The following ADAMTS1 variants were observed in gnomAD, a reference collection of about 807,000 sequenced individuals.
ADAMTS1 encodes the protein ADAM metallopeptidase with thrombospondin type 1 motif 1.
ADAMTS1 carries 19 observed loss-of-function variants against 87.9 expected under a neutral mutation model. The ratio of observed to expected loss-of-function variants is 0.22; its 90% CI spans 0.15 to 0.32. ADAMTS1 has a LOEUF of 0.32. Among genes scored for constraint, ADAMTS1 ranks in the 10% least tolerant of loss-of-function variants. The pLI is 1.00. For synonymous variants in ADAMTS1, 542 were observed against 501.8 expected, an observed-to-expected ratio of 1.08 and a Z score of -1.07; for missense variants, 1,240 against 1,259.1, an observed-to-expected ratio of 0.98 and a Z score of 0.23.
chr21:26,841,312 C>G lies in ADAMTS1; in HGVS notation c.1211-147G>C. 5.2e-6 allele frequency: 4 copies of G among 762,574 alleles called. No individual in the cohort carries two copies. The South Asian group carries it at 8.0e-5, about 15-fold the overall frequency. 47.2% of individuals were successfully genotyped at this position (762,574 alleles called of 1,614,324 possible). On this transcript the variant is annotated intron_variant, in intron 3 of 8. Coordinates refer to ENST00000284984, the MANE Select transcript of ADAMTS1 (RefSeq NM_006988.5). ...TGGCCAACATAGTGAAACCCCGTCT[C>G]TACTAAAAATACAAAAATTAGCCGG... is the stretch of plus-strand genomic sequence containing the variant.
Position 26,840,080 on chromosome 21 carries a change from C to G in ADAMTS1, c.1666-19G>C. The G allele has an allele frequency of 6.2e-7, 1 of 1,608,762 alleles. No individual in the cohort carries two copies. The highest frequency in any genetic ancestry group is 8.5e-7 in the Non-Finnish European group (1 of 1,177,994). On this transcript the variant is annotated intron_variant, in intron 5 of 8. Transcript: ENST00000284984. ...AAGGCGTCTAAATGGAGACATAAAT[C>G]ATCAGCATTAGAATTATCTAAAGAG...
At position 26,844,802 on chromosome 21, in the gene ADAMTS1, C is replaced by A. The variant is rs1263116598; in HGVS notation, c.153G>T (p.Gly51=). 1.9e-6 allele frequency: 3 copies of A among 1,545,088 alleles called. No homozygotes were observed. The highest frequency in any genetic ancestry group is 1.9e-5 in the Admixed American group (1 of 53,132). The stretch of plus-strand genomic sequence containing the variant: ...GCTCCTCGTCCTCCTCGGAGGGGCG[C>A]CCGAGTGCGTCCGACACGGCCAGTA... ...AALLAVSDAL[G]RPSEEDEELV... is the part of the protein sequence containing the mutation. The change falls in exon 1 of 9, where the codon GGG becomes GGT. Residue 51 remains glycine (G), a synonymous_variant. Transcript: ENST00000284984.
chr21:26,843,108 A>G, intron 1 of ADAMTS1: 1 of 267,806 alleles, frequency 3.7e-6, no homozygotes, highest in African/African-American at 2.3e-5. Flanking sequence ...GGCCTCGGGT[A>G]GGGCCTGGGC....
rs1199905315 is a variant in ADAMTS1 at position 26,838,478 on chromosome 21, G to C, written c.2165C>G (p.Ser722Cys). Reference sequence around the variant, plus strand: ...TGATCCTGATATTTTTTTACAAGTAGATCCATTTCCCCCGCAAACACCACA... The same window carrying C: ...TGATCCTGATATTTTTTTACAAGTACATCCATTTCCCCCGCAAACACCACA... ...DKCGVCGGNG[S>C]TCKKISGSVT... Residue 722 changes from serine to cysteine, a missense_variant, in exon 8 of 9, where the codon TCT (serine) becomes TGT (cysteine). By Grantham distance (112) the Ser-to-Cys change is moderately radical. Coordinates refer to ENST00000284984, the MANE Select transcript of ADAMTS1 (RefSeq NM_006988.5). 1.9e-6 allele frequency: 3 copies of C among 1,613,964 alleles called. No individual in the cohort carries two copies. Among genetic ancestry groups the C allele is most frequent in the Non-Finnish European group, 2.5e-6 (3 of 1,180,014 alleles).
Position 26,838,216 on chromosome 21 carries a change from C to T in ADAMTS1, c.2267G>A (p.Arg756Gln), listed in dbSNP as rs139455257. The T allele has an allele frequency of 3.9e-3, 6,335 of 1,613,836 alleles. 23 individuals are homozygous for T. The highest frequency in any genetic ancestry group is 6.8e-3 in the South Asian group (618 of 91,058). Residue 756 changes from arginine to glutamine, a missense_variant, in exon 9 of 9, where the codon CGG (arginine) becomes CAG (glutamine). Coordinates refer to ENST00000284984, the MANE Select transcript of ADAMTS1 (RefSeq NM_006988.5). ...TGATNIEVKQRNQRGSRNNGS... is the reference protein window; with the variant it reads ...TGATNIEVKQQNQRGSRNNGS... Reference sequence around the variant, plus strand: ...ATTGTTCCTGGATCCCCTCTGGTTCCGCTGTTTCACTTCGATGTTGGTGGC... The same window carrying T: ...ATTGTTCCTGGATCCCCTCTGGTTCTGCTGTTTCACTTCGATGTTGGTGGC...
Position 26,844,682 on chromosome 21 carries a change from G to T in ADAMTS1, c.273C>A (p.Pro91=). 6.3e-7 allele frequency: 1 copy of T among 1,595,176 alleles called. No individual in the cohort carries two copies. Among genetic ancestry groups the T allele is most frequent in the South Asian group, 1.1e-5 (1 of 88,290 alleles). ...AGCCGGGCGCCAAAAAGCTGCTGTCGGGCCGCAGCTCCAGATCCAGCTGCT... is the reference window on the plus strand; with the variant it reads ...AGCCGGGCGCCAAAAAGCTGCTGTCTGGCCGCAGCTCCAGATCCAGCTGCT... ...FDQQLDLELR[P]DSSFLAPGFT... is the part of the protein sequence containing the mutation. Residue 91 remains proline, a synonymous_variant, in exon 1 of 9, where the codon CCC becomes CCA. Transcript: ENST00000284984.
chr21:26,838,077 G>T lies in ADAMTS1; in HGVS notation c.2406C>A (p.Ser802Arg). 6.2e-7 allele frequency: 1 copy of T among 1,614,132 alleles called. No individual in the cohort carries two copies. The change falls in exon 9 of 9, where the codon AGC (serine) becomes AGA (arginine). Residue 802 changes from serine to arginine, a missense_variant. By Grantham distance (110) the Ser-to-Arg change is moderately radical. Coordinates refer to ENST00000284984, the MANE Select transcript of ADAMTS1 (RefSeq NM_006988.5). ...IMYKGVVLRY[S>R]GSSAALERIR... ...TTCTTTCCAATGCCGCAGAGGAGCC[G>T]CTGTACCTCAAGACAACACCTTTGT...
At chr21:26,844,120 C>T in intron 1 of ADAMTS1, 105 bp downstream of exon 1, 1 of 1,406,108 alleles carries the variant, frequency 7.1e-7, no homozygotes, top group South Asian at 1.5e-5. Context: ...TGTCCGCGGA[C>T]TTATGATCCT....
intron 1 of ADAMTS1, chr21:26,843,475 G>C (rs1271340163): frequency 6.5e-6 from 3 of 463,514 alleles, no homozygotes; most frequent in African/African-American, 2.2e-5. Context: ...CCAAAGTGAT[G>C]AAACAAAAAG....
rs775149447 is a variant in ADAMTS1 at position 26,844,339 on chromosome 21, G to A, written c.616C>T (p.Arg206Trp). ...GTCGVVDDEP[R>W]PTGKAETEDE... ...TCGGTCTCCGCTTTCCCAGTCGGCCGGGGCTCGTCGTCCACGACCCCGCAC... is the reference window on the plus strand; with the variant it reads ...TCGGTCTCCGCTTTCCCAGTCGGCCAGGGCTCGTCGTCCACGACCCCGCAC... Residue 206 changes from arginine (R) to tryptophan (W), a missense_variant, in exon 1 of 9, where the codon CGG becomes TGG. Coordinates refer to ENST00000284984, the MANE Select transcript of ADAMTS1 (RefSeq NM_006988.5). The A allele has an allele frequency of 1.2e-6, 2 of 1,605,174 alleles. No homozygotes were observed. The highest frequency in any genetic ancestry group is 1.7e-6 in the Non-Finnish European group (2 of 1,177,760).
intron 1 of ADAMTS1, chr21:26,842,987 T>C (rs1044673926): frequency 2.2e-5 from 8 of 362,568 alleles, no homozygotes; most frequent in African/African-American, 1.7e-4. Context: ...CACATAATCC[T>C]ACCCAATTGT....
chr21:26,844,261 G>C lies in ADAMTS1; in HGVS notation c.694C>G (p.Gln232Glu). 6.3e-7 allele frequency: 1 copy of C among 1,586,152 alleles called. No homozygotes were observed. Among genetic ancestry groups the C allele is most frequent in the Non-Finnish European group, 8.6e-7 (1 of 1,167,010 alleles). The change falls in exon 1 of 9, where the codon CAG becomes GAG. Residue 232 changes from glutamine to glutamate, a missense_variant. Physicochemically the swap from Gln to Glu is conservative, Grantham distance 29 (BLOSUM62 2). This residue lies in a region of ADAMTS1 where 521 missense variants were observed against 449.7 expected (regional missense o/e 1.16). Transcript: ENST00000284984. ...CCTACGCCTTGCAGTGCCGGGTCCT[G>C]CGGCGACCACTGAGCCCCTTCGTCC... is the stretch of plus-strand genomic sequence containing the variant. ...GEDEGAQWSP[Q>E]DPALQGVGQP... is the part of the protein sequence containing the mutation.
At position 26,838,104 on chromosome 21, in the gene ADAMTS1, C is replaced by T. The variant is rs775212440; in HGVS notation, c.2379G>A (p.Met793Ile). The change falls in exon 9 of 9, where the codon ATG becomes ATA. Residue 793 changes from methionine (M) to isoleucine (I), a missense_variant. Physicochemically the swap from Met to Ile is conservative, Grantham distance 10. Around this residue, in one of 3 missense-constraint regions of ADAMTS1, gnomAD observed 402 missense variants for 399.1 expected, o/e 1.01. Transcript: ENST00000284984. ...TGTACCTCAAGACAACACCTTTGTA[C>T]ATAATGTCTTGCTCTAAGGTGGACA... The part of the protein sequence containing the change: ...YTLSTLEQDI[M>I]YKGVVLRYSG... 1 of 1,614,182 alleles carries T rather than the reference C, an allele frequency of 6.2e-7. No homozygotes were observed. Among genetic ancestry groups the T allele is most frequent in the South Asian group, 1.1e-5 (1 of 91,078 alleles).
rs780930232 is a variant in ADAMTS1 at position 26,839,688 on chromosome 21, C to T, written c.1927G>A (p.Val643Met). 13 of 1,613,752 alleles carry T rather than the reference C, an allele frequency of 8.1e-6. No individual in the cohort carries two copies. Among genetic ancestry groups the T allele is most frequent in the South Asian group, 2.2e-5 (2 of 91,080 alleles). The change falls in exon 7 of 9, where the codon GTG (valine) becomes ATG (methionine). Residue 643 changes from valine to methionine, a missense_variant. By Grantham distance (21) the Val-to-Met change is conservative (BLOSUM62 1). Transcript: ENST00000284984. Reference protein sequence around the residue: ...SKASFGSGPAVEWIPKYAGVS... With the variant: ...SKASFGSGPAMEWIPKYAGVS... ...CCAGCGTACTTGGGAATCCATTCCA[C>T]CGCAGGCCCACTCCCAAAGGAAGCT...
Position 26,842,643 on chromosome 21 carries a change from C to A in ADAMTS1, c.773G>T (p.Arg258Leu), listed in dbSNP as rs370310955. ...IRKKRFVSSH[R>L]YVETMLVADQ... is the part of the protein sequence containing the mutation. ...TGCCACAAGCATGGTTTCCACATAGCGGTGACTGGACACAAATCGCTTCTT... is the reference window on the plus strand; with the variant it reads ...TGCCACAAGCATGGTTTCCACATAGAGGTGACTGGACACAAATCGCTTCTT... The change falls in exon 2 of 9, where the codon CGC becomes CTC. Residue 258 changes from arginine to leucine, a missense_variant. By Grantham distance (102) the Arg-to-Leu change is moderately radical. This residue lies in a region of ADAMTS1 where 521 missense variants were observed against 449.7 expected (regional missense o/e 1.16). Coordinates refer to ENST00000284984, the MANE Select transcript of ADAMTS1 (RefSeq NM_006988.5). The A allele has an allele frequency of 3.1e-6, 5 of 1,613,774 alleles. No individual in the cohort carries two copies. The South Asian group carries it at 4.4e-5, about 14-fold the overall frequency.
At position 26,840,271 on chromosome 21, in the gene ADAMTS1, C is replaced by T; in HGVS notation, c.1665+5G>A. 1.2e-6 allele frequency: 2 copies of T among 1,609,504 alleles called. No homozygotes were observed. The highest frequency in any genetic ancestry group is 1.7e-6 in the Non-Finnish European group (2 of 1,176,546). ...TTCTGAATGTGTTTCAGTAGAAAAACTCACATCAAAATGCTTTCTGTCGGT... is the reference window on the plus strand; with the variant it reads ...TTCTGAATGTGTTTCAGTAGAAAAATTCACATCAAAATGCTTTCTGTCGGT... On this transcript the variant is annotated splice_donor_5th_base_variant and intron_variant, in intron 5 of 8. Coordinates refer to ENST00000284984, the MANE Select transcript of ADAMTS1 (RefSeq NM_006988.5).
chr21:26,837,941 A>G lies in ADAMTS1; in HGVS notation c.2542T>C (p.Ser848Pro), dbSNP rs1985405863. Residue 848 changes from serine to proline, a missense_variant, in exon 9 of 9, where the codon TCT (serine) becomes CCT (proline). Transcript: ENST00000284984. ...YTYFVKKKKE[S>P]FNAIPTFSAW... ...GAAAAAGTGGGGATAGCATTGAAAGATTCCTTCTTCTTCTTTACGAAGTAG... is the reference window on the plus strand; with the variant it reads ...GAAAAAGTGGGGATAGCATTGAAAGGTTCCTTCTTCTTCTTTACGAAGTAG... 1.9e-6 allele frequency: 3 copies of G among 1,614,236 alleles called. No homozygotes were observed. The highest frequency in any genetic ancestry group is 2.5e-6 in the Non-Finnish European group (3 of 1,180,040).
intron 1 of ADAMTS1, chr21:26,843,906 C>T (rs1481538661): frequency 1.2e-5 from 6 of 496,194 alleles, no homozygotes; most frequent in Middle Eastern, 3.1e-4. Flanking sequence ...AAAGAACTCG[C>T]ACAAGCTCCA....
At chr21:26,843,022 C>A in intron 1 of ADAMTS1, 1 of 298,348 alleles carries the variant, frequency 3.4e-6, no homozygotes, top group Non-Finnish European at 6.3e-6. Flanking sequence ...GCAAGAGCGG[C>A]AGGCAGAGGC....
Sources: allele counts gnomAD v4.1 joint callset, GRCh38; gene constraint gnomAD v4.1.1; regional missense constraint gnomAD v4.1.1; transcripts MANE v1.5; gene names NCBI Gene and HGNC (gene_info 2026-07-23, HGNC 2026-07-21).